CHL1: variants seen among roughly 807,000 people sequenced by gnomAD.
CHL1 encodes neural cell adhesion molecule L1-like protein.
CHL1 carries 96 observed loss-of-function variants against 141.9 expected under a neutral mutation model. The observed-to-expected ratio is 0.68, with a 90% CI of 0.57 to 0.80. CHL1 has a LOEUF of 0.80. Among genes scored for constraint, CHL1 ranks in the 30% least tolerant of loss-of-function variants. The probability of loss-of-function intolerance (pLI) is 0.00; values close to 1 mark genes in which losing one functional copy is unlikely to be tolerated. For missense variants in CHL1, 1,820 were observed against 1,457.2 expected, an observed-to-expected ratio of 1.25 and a Z score of -4.05; for synonymous variants, 613 against 502.2, an observed-to-expected ratio of 1.22 and a Z score of -2.95.
intron 2 of CHL1, among the ~76,000 whole-genome samples, chr3:278,152 A>G (rs1696321417): frequency 6.6e-6 from 1 of 152,244 alleles, no homozygotes; most frequent in African/African-American, 2.4e-5. Context: ...CATCCGCTCT[A>G]TAGAAATCAG....
chr3:273,161 G>A (rs1228812837), intron 2 of CHL1, among the ~76,000 whole-genome samples: 1 of 152,138 alleles, frequency 6.6e-6, no homozygotes, highest in African/African-American at 2.4e-5. Context: ...GTGAGGAGGT[G>A]GGAGTAAATT....
chr3:372,463 A>G (rs1251068918), intron 15 of CHL1, among the ~76,000 whole-genome samples: 1 of 152,082 alleles, frequency 6.6e-6, no homozygotes, highest in Non-Finnish European at 1.5e-5. Flanking sequence ...CCATCAGGTC[A>G]TTTATATTCC....
In CHL1 at chr3:328,122, A is replaced by G. The variant is rs1230413430; in HGVS notation, c.198-45A>G. The G allele has an allele frequency of 4.1e-6, 6 of 1,466,970 alleles. No homozygotes were observed. In the African/African-American group the frequency reaches 8.5e-5, roughly 21 times the overall value. The allele number at this position is 1,466,970 out of a possible 1,614,324, so 90.9% of individuals were successfully genotyped here. ...AATTGTTAATAAGTACTCTAAACAT[A>G]TGTCATTATTTTTCAGGATTATTAA... On this transcript the variant is annotated intron_variant, in intron 4 of 27. Coordinates refer to ENST00000256509, the MANE Select transcript of CHL1 (RefSeq NM_006614.4).
chr3:307,696 G>A (rs953201260), intron 2 of CHL1, among the ~76,000 whole-genome samples: 2 of 151,690 alleles, frequency 1.3e-5, no homozygotes, highest in African/African-American at 2.4e-5. Flanking sequence ...TGCTAACATC[G>A]ACTATAGTGA....
At chr3:339,737 G>C (rs905848676) in intron 5 of CHL1, among the ~76,000 whole-genome samples, 17 of 152,146 alleles carry the variant, frequency 1.1e-4, no homozygotes, top group African/African-American at 3.9e-4. Flanking sequence ...AGGGGCTATA[G>C]GACAAATATA....
In CHL1 at chr3:324,605, C is replaced by CTTTATTTA. The variant is rs60745240; in HGVS notation, c.92-1318_92-1311dup. Among the ~76,000 whole-genome samples the CTTTATTTA allele has an allele frequency of 5.9e-3, 866 of 146,110 alleles. 6 individuals carry two copies. Among genetic ancestry groups the CTTTATTTA allele is most frequent in the African/African-American group, 0.015 (605 of 40,108 alleles). On this transcript the variant is annotated intron_variant, in intron 3 of 27. Coordinates refer to ENST00000256509, the MANE Select transcript of CHL1 (RefSeq NM_006614.4). ...AGGTGAGAGGCAAAATCACTTCCTA[C>CTTTATTTA]TTTATTTATTTATTTATTTATTTAT...
intron 2 of CHL1, among the ~76,000 whole-genome samples, chr3:319,054 G>A (rs1700350490): frequency 6.6e-6 from 1 of 150,786 alleles, no homozygotes; most frequent in Non-Finnish European, 1.5e-5. Context: ...AATTAACTCA[G>A]GACCAGAAAA....
intron 5 of CHL1, among the ~76,000 whole-genome samples, chr3:331,963 G>A (rs1392779210): frequency 2.6e-5 from 4 of 152,276 alleles, no homozygotes; most frequent in Non-Finnish European, 4.4e-5. Context: ...AACAGAATAC[G>A]TATCCACTAC....
chr3:360,036 G>C (rs75490605), intron 11 of CHL1, among the ~76,000 whole-genome samples: 4,289 of 152,156 alleles, frequency 0.028, 199 homozygotes, highest in African/African-American at 0.097. Context: ...TGGAAATTCT[G>C]GGAGGTCCAG....
intron 2 of CHL1, among the ~76,000 whole-genome samples, chr3:292,660 A>G (rs1454707753): frequency 6.6e-6 from 1 of 152,226 alleles, no homozygotes; most frequent in Admixed American, 6.5e-5. Flanking sequence ...TAGTTGGCTC[A>G]TGGTTCTGCA....
chr3:278,518 A>C (rs11929364), intron 2 of CHL1, among the ~76,000 whole-genome samples: 25,305 of 152,088 alleles, frequency 0.17, 3,227 homozygotes, highest in East Asian at 0.42. Flanking sequence ...AAAGCAATGA[A>C]CCATGGCCAA....
intron 2 of CHL1, among the ~76,000 whole-genome samples, chr3:268,646 T>A (rs1695371995): frequency 1.3e-5 from 2 of 152,218 alleles, no homozygotes; most frequent in Admixed American, 1.3e-4. Context: ...ACAGGTTTCT[T>A]CTTTCCCTCA....
At chr3:272,955 C>T (rs747377225) in intron 2 of CHL1, among the ~76,000 whole-genome samples, 1 of 152,090 alleles carries the variant, frequency 6.6e-6, no homozygotes, top group African/African-American at 2.4e-5. Flanking sequence ...TAATGAAGGG[C>T]CACCTAGGGA....
chr3:404,468 AT>A (rs1322404374), intron 27 of CHL1, among the ~76,000 whole-genome samples: 1 of 152,190 alleles, frequency 6.6e-6, no homozygotes, highest in African/African-American at 2.4e-5. Flanking sequence ...ACTTAAAAAA[AT>A]CTTGATCCAA....
intron 2 of CHL1, among the ~76,000 whole-genome samples, chr3:257,878 G>C (rs891819125): frequency 2.0e-5 from 3 of 152,120 alleles, no homozygotes; most frequent in African/African-American, 7.2e-5. Flanking sequence ...TCATAATCAT[G>C]TCACTTAAAT....
rs72218358 is a variant in CHL1 at position 377,950 on chromosome 3, CACTA to C, written c.1876+14_1876+17del. 0.012 allele frequency: 19,028 copies of C among 1,593,790 alleles called. 1,666 individuals carry two copies. The African/African-American group carries it at 0.21, about 18-fold the overall frequency. On this transcript the variant is annotated intron_variant, in intron 16 of 27. Transcript: ENST00000256509. ...CTCAAGTAACTGTTCTTGGTAAGTG[CACTA>C]ACTAATGAGAAATCTGTTCATTTCT...
At chr3:242,524 A>G (rs1179600231) in intron 1 of CHL1, among the ~76,000 whole-genome samples, 6 of 152,108 alleles carry the variant, frequency 3.9e-5, no homozygotes, top group Admixed American at 6.6e-5. Flanking sequence ...TGAACCAGGG[A>G]GGCAGAGCTT....
At position 223,302 on chromosome 3, in the gene CHL1, C is replaced by G. The variant is rs1396264821; in HGVS notation, c.-174-21311C>G. On this transcript the variant is annotated intron_variant, in intron 1 of 27. Transcript: ENST00000256509. ...ACTTAAGTGAAGTGTTATAGGAATA[C>G]AAATTTGCACTATGAAGTTAATATT... Among the ~76,000 whole-genome samples, 4 of 152,234 alleles carry G rather than the reference C, an allele frequency of 2.6e-5. No individual in the cohort carries two copies. The East Asian group carries it at 5.8e-4, about 22-fold the overall frequency.
At chr3:200,589 C>T (rs1187573207) in intron 1 of CHL1, among the ~76,000 whole-genome samples, 1 of 152,156 alleles carries the variant, frequency 6.6e-6, no homozygotes, top group Non-Finnish European at 1.5e-5. Context: ...GCTAAGTTAA[C>T]ACAGCTAATG....
Sources: gnomAD v4.1 joint callset for allele counts (sites outside exome capture counted in the v4.1 genomes callset) on GRCh38, gnomAD v4.1.1 for gene constraint, MANE v1.5 for transcripts, NCBI Gene and HGNC (gene_info 2026-07-23, HGNC 2026-07-21) for gene names.